Variants in ASTN2 observed in about 807,000 individuals in gnomAD.
ASTN2 encodes astrotactin-2.
A neutral mutation model predicts 139.8 loss-of-function variants in ASTN2; 54 were observed. The observed-to-expected ratio is 0.39, with a 90% CI of 0.31 to 0.48. The LOEUF (loss-of-function observed/expected upper bound fraction) is 0.48, where lower values mean the gene tolerates loss of function less well. Among genes scored for constraint, ASTN2 ranks in the 20% least tolerant of loss-of-function variants. The probability of loss-of-function intolerance (pLI) is 0.95; values close to 1 mark genes in which losing one functional copy is unlikely to be tolerated. For synonymous variants in ASTN2, 756 were observed against 719.5 expected (o/e 1.05, Z -0.81); for missense variants, 1,565 against 1,725.1 (o/e 0.91, Z 1.64).
chr9:117,046,771 C>T (rs1255545447), intron 5 of ASTN2, among the ~76,000 whole-genome samples: 1 of 152,186 alleles, frequency 6.6e-6, no homozygotes, highest in African/African-American at 2.4e-5. Context: ...ATTTTATGCT[C>T]TCCTATTTCC....
At chr9:116,597,098 A>G (rs1854615541) in intron 19 of ASTN2, among the ~76,000 whole-genome samples, 1 of 151,572 alleles carries the variant, frequency 6.6e-6, no homozygotes, top group African/African-American at 2.4e-5. Context: ...ATTTTTAAAA[A>G]ATGTATTTTC....
intron 18 of ASTN2, among the ~76,000 whole-genome samples, chr9:116,619,634 C>A (rs1856022917): frequency 6.6e-6 from 1 of 151,806 alleles, no homozygotes; most frequent in Admixed American, 6.6e-5. Flanking sequence ...AGAGATCCTA[C>A]CACCTCAGCC....
intron 1 of ASTN2, among the ~76,000 whole-genome samples, chr9:117,366,140 T>C (rs1405318824): frequency 6.6e-6 from 1 of 152,152 alleles, no homozygotes; most frequent in Non-Finnish European, 1.5e-5. Context: ...ACTGTGTGTT[T>C]ATTGAATAAA....
At chr9:116,837,101 G>T (rs1832023757) in intron 11 of ASTN2, among the ~76,000 whole-genome samples, 1 of 152,190 alleles carries the variant, frequency 6.6e-6, no homozygotes, top group Non-Finnish European at 1.5e-5. Context: ...ACTTTGAAGA[G>T]ATTACTGAAG....
chr9:116,559,809 A>C (rs909178402), intron 19 of ASTN2, among the ~76,000 whole-genome samples: 2 of 152,230 alleles, frequency 1.3e-5, no homozygotes, highest in East Asian at 3.8e-4. Flanking sequence ...GTTTGACTTA[A>C]GAACCTGTAT....
intron 13 of ASTN2, among the ~76,000 whole-genome samples, chr9:116,799,642 T>C (rs1830788407): frequency 1.3e-5 from 2 of 148,696 alleles, no homozygotes; most frequent in African/African-American, 5.0e-5. Context: ...ATCTCTGCAA[T>C]CTATAACCAA....
At chr9:117,196,507 G>A (rs1831506990) in intron 3 of ASTN2, among the ~76,000 whole-genome samples, 1 of 152,142 alleles carries the variant, frequency 6.6e-6, no homozygotes, top group Non-Finnish European at 1.5e-5. Context: ...GGGATCCTGA[G>A]AAATAGCAAG....
intron 20 of ASTN2, among the ~76,000 whole-genome samples, chr9:116,482,283 G>A (rs541040568): frequency 2.6e-5 from 4 of 152,058 alleles, no homozygotes; most frequent in East Asian, 1.9e-4. Flanking sequence ...CCAAGATTGC[G>A]CCCCTGCACT....
Position 116,600,582 on chromosome 9 carries a change from T to C in ASTN2, c.3355+17742A>G, listed in dbSNP as rs10817907. Among the ~76,000 whole-genome samples the C allele has an allele frequency of 0.019, 2,887 of 152,258 alleles. 392 individuals are homozygous for C. In the South Asian group the frequency reaches 0.29, roughly 15 times the overall value. On this transcript the variant is annotated intron_variant, in intron 19 of 22. Coordinates refer to ENST00000313400, the MANE Select transcript of ASTN2 (RefSeq NM_001365068.1). Reference sequence around the variant, plus strand: ...CAACTCCCTCATCTGTAGATGTAGATAATATTGTCCTCTTACTTGGAAGGA... The same window carrying C: ...CAACTCCCTCATCTGTAGATGTAGACAATATTGTCCTCTTACTTGGAAGGA...
intron 2 of ASTN2, among the ~76,000 whole-genome samples, chr9:117,219,331 C>T (rs1189743480): frequency 6.6e-6 from 1 of 152,126 alleles, no homozygotes; most frequent in Non-Finnish European, 1.5e-5. Context: ...TGTGTCCAGC[C>T]TCTGAGTCCA....
At chr9:116,550,783 G>A (rs920086581) in intron 19 of ASTN2, among the ~76,000 whole-genome samples, 1 of 152,156 alleles carries the variant, frequency 6.6e-6, no homozygotes. Context: ...TGATGCAGGT[G>A]GGTTGGGACA....
intron 19 of ASTN2, 114 bp from the exon 20 acceptor site, chr9:116,487,614 G>C: frequency 9.7e-7 from 1 of 1,034,056 alleles, no homozygotes; most frequent in Non-Finnish European, 1.3e-6. Flanking sequence ...AAAAATAATG[G>C]ATAGAAAAAG....
chr9:117,327,313 C>A (rs1239116594), intron 1 of ASTN2, among the ~76,000 whole-genome samples: 1 of 152,088 alleles, frequency 6.6e-6, no homozygotes, highest in African/African-American at 2.4e-5. Flanking sequence ...TTGAGGACAC[C>A]CTAATTACTT....
chr9:117,358,409 A>G (rs1564164152), intron 1 of ASTN2, among the ~76,000 whole-genome samples: 1 of 131,172 alleles, frequency 7.6e-6, no homozygotes, highest in Non-Finnish European at 1.7e-5. Context: ...CCCCTGAATG[A>G]GTGTAACATT....
intron 8 of ASTN2, among the ~76,000 whole-genome samples, 191 bp from the exon 9 acceptor site, chr9:116,976,379 A>G (rs771024339): frequency 6.6e-6 from 1 of 152,254 alleles, no homozygotes; most frequent in Non-Finnish European, 1.5e-5. Flanking sequence ...TAAAGTATGC[A>G]TGTCCATTCA....
intron 13 of ASTN2, among the ~76,000 whole-genome samples, chr9:116,786,798 C>T (rs1053747140): frequency 6.6e-6 from 1 of 152,204 alleles, no homozygotes; most frequent in Non-Finnish European, 1.5e-5. Context: ...TTCCCATTAT[C>T]TCCATGGGTC....
intron 11 of ASTN2, among the ~76,000 whole-genome samples, chr9:116,835,386 T>A (rs1831952050): frequency 1.3e-5 from 2 of 152,208 alleles, no homozygotes. Flanking sequence ...GCAAAGCTGT[T>A]CTTTGTAGGG....
chr9:117,077,569 G>A (rs1354225423), intron 5 of ASTN2, among the ~76,000 whole-genome samples: 3 of 152,044 alleles, frequency 2.0e-5, no homozygotes, highest in South Asian at 4.2e-4. Context: ...GCAACATGGT[G>A]AAAGCCCATC....
intron 11 of ASTN2, among the ~76,000 whole-genome samples, chr9:116,855,236 AC>A (rs1832709545): frequency 6.6e-6 from 1 of 152,006 alleles, no homozygotes; most frequent in African/African-American, 2.4e-5. Context: ...AATCTTGGAA[AC>A]CCTATTACCC....
Sources: allele counts gnomAD v4.1 joint callset (sites outside exome capture counted in the v4.1 genomes callset), GRCh38; gene constraint gnomAD v4.1.1; transcripts MANE v1.5; gene names NCBI Gene and HGNC (gene_info 2026-07-23, HGNC 2026-07-21).